C6orf52: variants seen among roughly 807,000 people sequenced by gnomAD.
The protein encoded by C6orf52 is chromosome 6 open reading frame 52.
C6orf52 carries 16 observed loss-of-function variants against 16.6 expected under a neutral mutation model. The observed-to-expected ratio is 0.96, with a 90% CI of 0.65 to 1.46. C6orf52 has a LOEUF of 1.46. C6orf52 is among the 40% of genes most tolerant of loss of function. The pLI is 0.00. For synonymous variants in C6orf52, 53 were observed against 61.4 expected (o/e 0.86, Z 0.64); for missense variants, 166 against 182.3 (o/e 0.91, Z 0.52).
chr6:10,689,139 G>A (rs1456534429), intron 1 of C6orf52, among the ~76,000 whole-genome samples: 1 of 152,158 alleles, frequency 6.6e-6, no homozygotes, highest in Admixed American at 6.5e-5. Context: ...CACCACGCCT[G>A]GCTAATTTTT....
At chr6:10,690,516 ACT>A (rs1473006327) in intron 1 of C6orf52, among the ~76,000 whole-genome samples, 1 of 151,882 alleles carries the variant, frequency 6.6e-6, no homozygotes, top group African/African-American at 2.4e-5. Context: ...GGAATATGAG[ACT>A]CTCATATTTC....
intron 3 of C6orf52, among the ~76,000 whole-genome samples, chr6:10,685,807 A>C (rs1169778841): frequency 6.6e-6 from 1 of 152,220 alleles, no homozygotes; most frequent in African/African-American, 2.4e-5. Context: ...ATACACAGAC[A>C]AATGTAGAGT....
At chr6:10,689,626 A>C (rs1769122946) in intron 1 of C6orf52, among the ~76,000 whole-genome samples, 1 of 152,122 alleles carries the variant, frequency 6.6e-6, no homozygotes, top group Non-Finnish European at 1.5e-5. Context: ...GTAGAAGGGG[A>C]TAGGGGAAAG....
intron 3 of C6orf52, 41 bp downstream of exon 3, chr6:10,686,925 G>T: frequency 7.3e-7 from 1 of 1,372,618 alleles, no homozygotes; most frequent in Non-Finnish European, 9.9e-7. Context: ...TACTATTATT[G>T]GGCACACGAA....
intron 3 of C6orf52, among the ~76,000 whole-genome samples, chr6:10,684,540 G>C (rs1387600462): frequency 6.6e-6 from 1 of 152,190 alleles, no homozygotes; most frequent in African/African-American, 2.4e-5. Flanking sequence ...TATGCAGCTG[G>C]CTGCCTTTAA....
In C6orf52 at chr6:10,694,613, A is replaced by C; in HGVS notation, c.-131T>G. ...TACAGCCCCTAAGCAACCGGCCGGA[A>C]GTCGGCCCCACCTCCTCCTGATGTC... On this transcript the variant is annotated 5_prime_UTR_variant, in exon 1 of 5. Coordinates refer to ENST00000259983, the MANE Select transcript of C6orf52 (RefSeq NM_001145020.3). The C allele has an allele frequency of 1.7e-5, 3 of 179,204 alleles. No homozygotes were observed. The highest frequency in any genetic ancestry group is 1.1e-4 in the South Asian group (1 of 9,108). 11.1% of individuals were successfully genotyped at this position (179,204 alleles called of 1,614,324 possible). A position where few individuals can be genotyped will look rare whatever the true frequency, so the allele number is the denominator to read the frequency against.
intron 4 of C6orf52, among the ~76,000 whole-genome samples, chr6:10,679,163 G>A (rs1292859282): frequency 6.6e-6 from 1 of 151,950 alleles, no homozygotes; most frequent in East Asian, 1.9e-4. Flanking sequence ...ATTGCGGCTG[G>A]GCACGGTGGC....
At chr6:10,694,343 G>C (rs1039791006) in intron 1 of C6orf52, among the ~76,000 whole-genome samples, 151 bp downstream of exon 1, 2 of 151,884 alleles carry the variant, frequency 1.3e-5, no homozygotes, top group Non-Finnish European at 2.9e-5. Context: ...CCCAGAGTTA[G>C]ACAAGCAGAC....
chr6:10,690,483 T>C (rs1309315762), intron 1 of C6orf52, among the ~76,000 whole-genome samples: 5 of 152,170 alleles, frequency 3.3e-5, no homozygotes, highest in South Asian at 4.1e-4. Context: ...GCCTGTCACA[T>C]TGAGAAAGAG....
chr6:10,686,537 A>C (rs1345180301), intron 3 of C6orf52, among the ~76,000 whole-genome samples: 3 of 152,240 alleles, frequency 2.0e-5, no homozygotes, highest in Non-Finnish European at 2.9e-5. Flanking sequence ...GTTTATGTCC[A>C]ACTGCTATAA....
intron 4 of C6orf52, among the ~76,000 whole-genome samples, 151 bp from the exon 5 acceptor site, chr6:10,671,749 A>G (rs775538396): frequency 6.6e-6 from 1 of 152,264 alleles, no homozygotes; most frequent in Non-Finnish European, 1.5e-5. Flanking sequence ...TTTCCTTTCA[A>G]TAAGACTTGA....
chr6:10,672,226 T>TA (rs777916688), intron 4 of C6orf52, among the ~76,000 whole-genome samples: 50 of 152,310 alleles, frequency 3.3e-4, no homozygotes, highest in Non-Finnish European at 6.5e-4. Flanking sequence ...TTTAATCTAT[T>TA]TTTTTCCTCT....
chr6:10,683,102 C>A, intron 4 of C6orf52, 85 bp downstream of exon 4: 2 of 877,398 alleles, frequency 2.3e-6, no homozygotes, highest in Non-Finnish European at 3.5e-6. Flanking sequence ...CCAATAGAAC[C>A]TTCCAGTTTC....
At chr6:10,674,638 T>A (rs1767706237) in intron 4 of C6orf52, 1 of 146,616 alleles carries the variant, frequency 6.8e-6, no homozygotes. Context: ...TTTCTTTCTT[T>A]CTTTTTTTTT....
At chr6:10,680,472 T>C (rs959496324) in intron 4 of C6orf52, among the ~76,000 whole-genome samples, 1 of 152,212 alleles carries the variant, frequency 6.6e-6, no homozygotes, top group Non-Finnish European at 1.5e-5. Flanking sequence ...ATATTGGTTG[T>C]AGTTTTTTCT....
chr6:10,691,188 T>C (rs1282136349), intron 1 of C6orf52, among the ~76,000 whole-genome samples: 2 of 152,192 alleles, frequency 1.3e-5, no homozygotes, highest in African/African-American at 4.8e-5. Flanking sequence ...ACTAATCTTT[T>C]TGAAACAGTA....
chr6:10,672,453 G>A, intron 4 of C6orf52: 2 of 546,452 alleles, frequency 3.7e-6, no homozygotes, highest in Non-Finnish European at 6.5e-6. Context: ...GGGGCCTCTG[G>A]GAGGTTAGAT....
At chr6:10,692,673 T>A (rs188653042) in intron 1 of C6orf52, among the ~76,000 whole-genome samples, 5 of 152,172 alleles carry the variant, frequency 3.3e-5, no homozygotes, top group African/African-American at 1.2e-4. Flanking sequence ...TCTCTTGATC[T>A]CGTCAAAGTG....
intron 4 of C6orf52, among the ~76,000 whole-genome samples, chr6:10,682,652 C>G (rs1768501507): frequency 6.6e-6 from 1 of 152,194 alleles, no homozygotes; most frequent in Non-Finnish European, 1.5e-5. Context: ...ATTTTTCTTT[C>G]CCATTACTTA....
Sources: allele counts gnomAD v4.1 joint callset (sites outside exome capture counted in the v4.1 genomes callset), GRCh38; gene constraint gnomAD v4.1.1; transcripts MANE v1.5; gene names NCBI Gene and HGNC (gene_info 2026-07-23, HGNC 2026-07-21).